TGFBR3: variants seen among roughly 807,000 people sequenced by gnomAD.
TGFBR3 encodes the protein transforming growth factor beta receptor type 3.
Under a neutral mutation model 87.9 loss-of-function variants are expected in TGFBR3, and 46 were observed. That is an observed-to-expected ratio of 0.52 (90% CI 0.41 to 0.67). The LOEUF (loss-of-function observed/expected upper bound fraction) is 0.67. Ranked by LOEUF, TGFBR3 falls within the 30% of genes least tolerant of loss-of-function variation. The probability of loss-of-function intolerance (pLI) is 0.00; values close to 1 mark genes in which losing one functional copy is unlikely to be tolerated. For missense variants in TGFBR3, 866 were observed against 1,041.9 expected (o/e 0.83, Z 2.32); for synonymous variants, 381 against 391.6 (o/e 0.97, Z 0.32).
chr1:91,800,314 G>GTA (rs1423510238), intron 2 of TGFBR3, among the ~76,000 whole-genome samples: 5 of 129,344 alleles, frequency 3.9e-5, no homozygotes, highest in East Asian at 5.5e-4. Flanking sequence ...ATGCATATAT[G>GTA]TATATATATG....
intron 3 of TGFBR3, among the ~76,000 whole-genome samples, chr1:91,783,691 A>C (rs978081585): frequency 4.3e-4 from 65 of 152,364 alleles, no homozygotes; most frequent in African/African-American, 1.6e-3. Context: ...TTAGAAAACA[A>C]GCTACAAAGA....
In TGFBR3 at chr1:91,808,893, G is replaced by A. The variant is rs141260442; in HGVS notation, c.62-11422C>T. Among the ~76,000 whole-genome samples, 825 of 152,288 alleles carry A rather than the reference G, an allele frequency of 5.4e-3. 6 individuals are homozygous for A. Among genetic ancestry groups the A allele is most frequent in the African/African-American group, 0.019 (776 of 41,554 alleles). On this transcript the variant is annotated intron_variant, in intron 2 of 16. Transcript: ENST00000212355. ...GGATAAGAATTTATGGGATGTTACT[G>A]CCTAATTGGCTCAGAACAGAGACCA... is the stretch of plus-strand genomic sequence containing the variant.
chr1:91,882,131 T>G (rs1031737539), intron 1 of TGFBR3, among the ~76,000 whole-genome samples: 2 of 146,894 alleles, frequency 1.4e-5, no homozygotes, highest in Non-Finnish European at 3.0e-5. Context: ...AGACAAAAAT[T>G]GAAAACCTTT....
chr1:91,858,305 A>G (rs1169169955), intron 2 of TGFBR3, among the ~76,000 whole-genome samples: 2 of 152,018 alleles, frequency 1.3e-5, no homozygotes, highest in East Asian at 3.9e-4. Context: ...AAAATATCAG[A>G]TATTAGCATA....
intron 3 of TGFBR3, among the ~76,000 whole-genome samples, chr1:91,769,714 C>T (rs1352144336): frequency 2.0e-5 from 3 of 151,842 alleles, no homozygotes. Context: ...TACTCTGACA[C>T]AAACCGATCA....
intron 2 of TGFBR3, among the ~76,000 whole-genome samples, chr1:91,836,958 A>G (rs1215132384): frequency 6.6e-6 from 1 of 152,204 alleles, no homozygotes; most frequent in Non-Finnish European, 1.5e-5. Flanking sequence ...CCTGTTTAAC[A>G]TTTGATTTAA....
At chr1:91,753,390 C>CAAAAAAAAAAA (rs71586711) in intron 4 of TGFBR3, among the ~76,000 whole-genome samples, 1 of 52,354 alleles carries the variant, frequency 1.9e-5, no homozygotes, top group African/African-American at 8.9e-5. Context: ...ACTCTGTCCT[C>CAAAAAAAAAAA]AAAAAAAAAA....
intron 3 of TGFBR3, among the ~76,000 whole-genome samples, chr1:91,785,043 T>A (rs373626871): frequency 6.6e-6 from 1 of 152,216 alleles, no homozygotes; most frequent in Non-Finnish European, 1.5e-5. Context: ...TATTATCAAA[T>A]GGGTGTGGCT....
chr1:91,838,459 T>C (rs1420797375), intron 2 of TGFBR3, among the ~76,000 whole-genome samples: 1 of 51,272 alleles, frequency 2.0e-5, no homozygotes, highest in South Asian at 5.4e-4. Context: ...TGGAAATCTC[T>C]TTTTTTTTTT....
intron 3 of TGFBR3, among the ~76,000 whole-genome samples, chr1:91,790,045 T>C (rs1675130944): frequency 6.6e-6 from 1 of 151,246 alleles, no homozygotes; most frequent in African/African-American, 2.4e-5. Context: ...CTCAAATAAA[T>C]GGGGAAGGGA....
chr1:91,727,215 C>A (rs1019642743), intron 7 of TGFBR3, among the ~76,000 whole-genome samples: 1 of 152,164 alleles, frequency 6.6e-6, no homozygotes, highest in African/African-American at 2.4e-5. Context: ...GAGCTGGGGT[C>A]AGCCTAATAG....
intron 3 of TGFBR3, among the ~76,000 whole-genome samples, chr1:91,767,418 G>A (rs1450856964): frequency 2.3e-5 from 3 of 132,828 alleles, no homozygotes; most frequent in Non-Finnish European, 3.3e-5. Context: ...CAAAAACACC[G>A]CACTTGGATT....
At chr1:91,724,119 T>C (rs1339408725) in intron 7 of TGFBR3, among the ~76,000 whole-genome samples, 3 of 152,226 alleles carry the variant, frequency 2.0e-5, no homozygotes, top group Admixed American at 6.5e-5. Flanking sequence ...GACAGAACTT[T>C]AACCAACTTC....
intron 4 of TGFBR3, among the ~76,000 whole-genome samples, chr1:91,751,420 C>T (rs898010979): frequency 6.6e-6 from 1 of 152,146 alleles, no homozygotes; most frequent in African/African-American, 2.4e-5. Flanking sequence ...CTGTGCGTGT[C>T]CCTTCCTAGT....
chr1:91,850,007 G>A (rs1480217219), intron 2 of TGFBR3, among the ~76,000 whole-genome samples: 4 of 149,778 alleles, frequency 2.7e-5, no homozygotes, highest in Non-Finnish European at 5.9e-5. Context: ...CATGAACCTG[G>A]GAGGCAGAGC....
In TGFBR3 at chr1:91,708,534, G is replaced by A; in HGVS notation, c.2287+129C>T. On this transcript the variant is annotated intron_variant, in intron 14 of 16. Coordinates refer to ENST00000212355, the MANE Select transcript of TGFBR3 (RefSeq NM_003243.5). The stretch of plus-strand genomic sequence containing the variant: ...GAAAAGACTCTTCGGGCAAAAAATG[G>A]TCTTCTAAAGTAACTAACTGGCCCT... 2.1e-6 allele frequency: 3 copies of A among 1,450,310 alleles called. No individual in the cohort carries two copies. The South Asian group carries it at 3.5e-5, about 17-fold the overall frequency. 89.8% of individuals were successfully genotyped at this position (1,450,310 alleles called of 1,614,324 possible). A position where few individuals can be genotyped will look rare whatever the true frequency, so the allele number is the denominator to read the frequency against.
intron 2 of TGFBR3, among the ~76,000 whole-genome samples, chr1:91,827,822 G>C (rs1017072927): frequency 3.6e-4 from 55 of 152,268 alleles, no homozygotes; most frequent in African/African-American, 1.3e-3. Context: ...AGCTGGAAAG[G>C]AGCTGGCTTC....
At chr1:91,872,646 G>T (rs942679237) in intron 1 of TGFBR3, among the ~76,000 whole-genome samples, 4 of 152,132 alleles carry the variant, frequency 2.6e-5, no homozygotes, top group African/African-American at 9.7e-5. Flanking sequence ...AAGATGTCAG[G>T]GCTGCAAGGA....
upstream of TGFBR3, chr1:91,886,170 C>G: frequency 2.2e-6 from 1 of 454,002 alleles, no homozygotes; most frequent in Non-Finnish European, 4.4e-6. Context: ...CAGGCCGACC[C>G]GGCGCACTCG....
Sources: allele counts gnomAD v4.1 joint callset (sites outside exome capture counted in the v4.1 genomes callset), GRCh38; gene constraint gnomAD v4.1.1; transcripts MANE v1.5; gene names NCBI Gene and HGNC (gene_info 2026-07-23, HGNC 2026-07-21).